The following UNC45B variants were observed in gnomAD, a reference collection of about 807,000 sequenced individuals.
UNC45B encodes the protein unc-45 myosin chaperone B.
A neutral mutation model predicts 98.7 loss-of-function variants in UNC45B; 78 were observed. The observed-to-expected ratio is 0.79, with a 90% CI of 0.66 to 0.95. The LOEUF is 0.95. Among genes scored for constraint, UNC45B ranks in the 40% least tolerant of loss-of-function variants. UNC45B has a pLI of 0.00. For synonymous variants in UNC45B, 462 were observed against 480.4 expected, an observed-to-expected ratio of 0.96 and a Z score of 0.50; for missense variants, 1,225 against 1,184.9, an observed-to-expected ratio of 1.03 and a Z score of -0.50.
At position 35,171,476 on chromosome 17, in the gene UNC45B, CGA is replaced by C; in HGVS notation, c.1830+15_1830+16del. ...GAACACCCCAAGGTAGGGTCAGGCG[CGA>C]CCCGGGAGGGGTCTGGTCTGTGCCA... On this transcript the variant is annotated intron_variant, in intron 13 of 19. Transcript: ENST00000394570. 6.2e-7 allele frequency: 1 copy of C among 1,613,138 alleles called. No individual in the cohort carries two copies.
At position 35,185,745 on chromosome 17, in the gene UNC45B, GA is replaced by G. The variant is rs141030355; in HGVS notation, c.2530-552del. Among the ~76,000 whole-genome samples, 852 of 152,268 alleles carry G rather than the reference GA, an allele frequency of 5.6e-3. 12 individuals carry two copies. The highest frequency in any genetic ancestry group is 0.019 in the African/African-American group (802 of 41,542). On this transcript the variant is annotated intron_variant, in intron 19 of 19. Transcript: ENST00000394570. ...CACCACAATGTTAGAGGAAGGTATA[GA>G]AGATGACCCTGAGGCTTACAGAGGT...
chr17:35,151,856 T>C (rs1049364236), intron 4 of UNC45B, among the ~76,000 whole-genome samples: 1 of 152,144 alleles, frequency 6.6e-6, no homozygotes, highest in African/African-American at 2.4e-5. Flanking sequence ...CCCAGCACTT[T>C]GGGAGGCCAA....
intron 6 of UNC45B, 111 bp downstream of exon 6, chr17:35,154,852 C>A (rs1035803104): frequency 3.3e-6 from 4 of 1,200,986 alleles, no homozygotes; most frequent in South Asian, 1.9e-5. Flanking sequence ...GATAAAAAGT[C>A]AAAGGGTGCT....
At chr17:35,155,232 A>G in intron 6 of UNC45B, 64 bp from the exon 7 acceptor site, 1 of 1,583,270 alleles carries the variant, frequency 6.3e-7, no homozygotes, top group Non-Finnish European at 8.6e-7. Flanking sequence ...CACCCTCTCT[A>G]ACCTGCATGG....
chr17:35,175,993 C>T lies in UNC45B; in HGVS notation c.1984C>T (p.Pro662Ser), dbSNP rs1347173390. The T allele has an allele frequency of 6.2e-7, 1 of 1,613,976 alleles. No individual in the cohort carries two copies. The highest frequency in any genetic ancestry group is 8.5e-7 in the Non-Finnish European group (1 of 1,180,014). Residue 662 changes from proline to serine, a missense_variant, in exon 15 of 20, where the codon CCA (proline) becomes TCA (serine). Transcript: ENST00000394570. ...GGTATTCCTGGCACTGTGTGACAACCCAAAGGACCGAGGCACCATTGTGGC... is the reference window on the plus strand; with the variant it reads ...GGTATTCCTGGCACTGTGTGACAACTCAAAGGACCGAGGCACCATTGTGGC... ...ARVFLALCDNPKDRGTIVAQG... is the reference protein window; with the variant it reads ...ARVFLALCDNSKDRGTIVAQG...
chr17:35,177,936 G>A (rs1477444765), intron 17 of UNC45B, among the ~76,000 whole-genome samples: 1 of 145,446 alleles, frequency 6.9e-6, no homozygotes, highest in Non-Finnish European at 1.5e-5. Context: ...GTCTTGCTCT[G>A]TCGCCCAGGC....
chr17:35,154,683 A>C lies in UNC45B; in HGVS notation c.581A>C (p.Glu194Ala). The C allele has an allele frequency of 6.2e-7, 1 of 1,612,234 alleles. No homozygotes were observed. Among genetic ancestry groups the C allele is most frequent in the Admixed American group, 1.7e-5 (1 of 59,600 alleles). The change falls in exon 6 of 20, where the codon GAG becomes GCG. Residue 194 changes from glutamate to alanine, a missense_variant. Glu to Ala is a moderately radical substitution (Grantham distance 107, BLOSUM62 -1). Coordinates refer to ENST00000394570, the MANE Select transcript of UNC45B (RefSeq NM_001267052.2). ...CAGCTTCTGGACACTAAGAAGCCTG[A>C]GCTGGTGCTGGCTGCAGTGCGGACC... ...LLQLLDTKKP[E>A]LVLAAVRTLS...
chr17:35,180,659 AT>A lies in UNC45B; in HGVS notation c.2357del (p.Met786ArgfsTer19), dbSNP rs1209602978. 2 of 1,613,504 alleles carry A rather than the reference AT, an allele frequency of 1.2e-6. No individual in the cohort carries two copies. The highest frequency in any genetic ancestry group is 2.7e-5 in the African/African-American group (2 of 74,910). On this transcript the variant is annotated frameshift_variant, in exon 18 of 20. Transcript: ENST00000394570. LOFTEE classifies it high-confidence loss of function. The stretch of plus-strand genomic sequence containing the variant: ...GGCGGCCACCGAGTGCATGTGCAAC[AT>A]GGTGCTCCACAAGGAGGTGAGGCAG... Reference protein sequence around the residue: ...RQAATECMCNMVLHKEVQERF... With the variant: ...RQAATECMCNXVLHKEVQERF...
At chr17:35,148,502 A>G (rs1350192957) in intron 2 of UNC45B, 71 bp downstream of exon 2, 6 of 1,511,330 alleles carry the variant, frequency 4.0e-6, no homozygotes, top group Non-Finnish European at 5.3e-6. Context: ...CAGCCCCTTC[A>G]CCCTGATAGA....
chr17:35,158,371 A>G (rs1046943017), intron 7 of UNC45B, among the ~76,000 whole-genome samples: 44 of 152,160 alleles, frequency 2.9e-4, no homozygotes, highest in African/African-American at 9.2e-4. Flanking sequence ...TTGGGTTTCT[A>G]TAGAACATGG....
chr17:35,149,411 G>C (rs2142524808), intron 3 of UNC45B, among the ~76,000 whole-genome samples: 1 of 151,846 alleles, frequency 6.6e-6, no homozygotes. Flanking sequence ...TTGTTTTTTG[G>C]GTTTTGTTTT....
intron 7 of UNC45B, among the ~76,000 whole-genome samples, chr17:35,158,016 C>T (rs1227427591): frequency 1.3e-5 from 2 of 152,196 alleles, no homozygotes; most frequent in Non-Finnish European, 2.9e-5. Context: ...ACTAGGACTA[C>T]AGGCTCGTGC....
intron 19 of UNC45B, among the ~76,000 whole-genome samples, chr17:35,184,576 G>C (rs2092292611): frequency 6.6e-6 from 1 of 152,150 alleles, no homozygotes; most frequent in African/African-American, 2.4e-5. Flanking sequence ...TGCCCTAAGT[G>C]TTTACATTTA....
intron 6 of UNC45B, among the ~76,000 whole-genome samples, chr17:35,154,971 T>A (rs1186600000): frequency 6.6e-6 from 1 of 152,266 alleles, no homozygotes; most frequent in Non-Finnish European, 1.5e-5. Flanking sequence ...ATATTTTACA[T>A]TTTTTCATGC....
intron 4 of UNC45B, among the ~76,000 whole-genome samples, chr17:35,151,393 G>T (rs962059137): frequency 2.0e-5 from 3 of 152,118 alleles, no homozygotes; most frequent in African/African-American, 7.2e-5. Flanking sequence ...GTTTCACCAT[G>T]TTGGCCAGAC....
At chr17:35,152,011 C>T (rs1458411604) in intron 4 of UNC45B, among the ~76,000 whole-genome samples, 1 of 152,142 alleles carries the variant, frequency 6.6e-6, no homozygotes. Flanking sequence ...TTTGGGAAGC[C>T]GAGGTTGGTG....
At chr17:35,174,692 C>T (rs1013084620) in intron 14 of UNC45B, among the ~76,000 whole-genome samples, 1 of 151,954 alleles carries the variant, frequency 6.6e-6, no homozygotes, top group East Asian at 1.9e-4. Flanking sequence ...CGGTGGTGTG[C>T]ACCTGTACTG....
intron 19 of UNC45B, 90 bp from the exon 20 acceptor site, chr17:35,186,209 A>G: frequency 6.5e-7 from 1 of 1,542,176 alleles, no homozygotes; most frequent in South Asian, 1.2e-5. Context: ...ACCTCCTAAC[A>G]TTGCCACACC....
At chr17:35,181,055 TA>T (rs1030158853) in intron 18 of UNC45B, among the ~76,000 whole-genome samples, 11 of 151,704 alleles carry the variant, frequency 7.3e-5, no homozygotes, top group African/African-American at 2.4e-4. Flanking sequence ...TCCACATATA[TA>T]AAAAAAATGA....
Sources: allele counts gnomAD v4.1 joint callset (sites outside exome capture counted in the v4.1 genomes callset), GRCh38; gene constraint gnomAD v4.1.1; transcripts MANE v1.5; gene names NCBI Gene and HGNC (gene_info 2026-07-23, HGNC 2026-07-21).